TLR5: variants seen among roughly 807,000 people sequenced by gnomAD.
TLR5 encodes toll like receptor 5, also known as toll-like receptor 5.
For missense variants in TLR5, 944 were observed against 999.8 expected, an observed-to-expected ratio of 0.94 and a Z score of 0.75; for synonymous variants, 373 against 384.4, an observed-to-expected ratio of 0.97 and a Z score of 0.35.
chr1:223,116,579 G>C (rs972588791), intron 5 of TLR5, among the ~76,000 whole-genome samples: 2 of 152,140 alleles, frequency 1.3e-5, no homozygotes, highest in African/African-American at 4.8e-5. Flanking sequence ...ACCTTCCACG[G>C]TGTGAAAGAC....
At position 223,141,802 on chromosome 1, in the gene TLR5, TATATATATATATATATATATAG is replaced by T. The variant is rs1445709822; in HGVS notation, c.-554-61_-554-40del. On this transcript the variant is annotated intron_variant, in intron 1 of 5. Coordinates refer to ENST00000642603, the MANE Select transcript of TLR5 (RefSeq NM_003268.6). ...AAAATTACATATATATATATATATA[TATATATATATATATATATATAG>T]AGAGAGAGAGAGAGAGAGAGAGAGA... 3.2e-4 allele frequency: 22 copies of T among 68,220 alleles called. 1 individual carries two copies. Among genetic ancestry groups the T allele is most frequent in the Middle Eastern group, 0.014 (2 of 146 alleles). 4.2% of individuals were successfully genotyped at this position (68,220 alleles called of 1,614,324 possible).
chr1:223,141,301 C>G (rs773825247), intron 2 of TLR5: 1 of 152,146 alleles, frequency 6.6e-6, no homozygotes, highest in South Asian at 2.1e-4. Flanking sequence ...GAAACAACAC[C>G]GAAAACCTGG....
chr1:223,113,643 G>C (rs1442481839), intron 5 of TLR5, among the ~76,000 whole-genome samples: 1 of 151,924 alleles, frequency 6.6e-6, no homozygotes, highest in African/African-American at 2.4e-5. Flanking sequence ...TAAAAATATA[G>C]AGATGGGGGT....
At chr1:223,115,256 T>A (rs1448219151) in intron 5 of TLR5, among the ~76,000 whole-genome samples, 2 of 152,200 alleles carry the variant, frequency 1.3e-5, no homozygotes. Context: ...CTGTTTTATT[T>A]ATTATTTATT....
rs146126096 is a variant in TLR5 at position 223,110,119 on chromosome 1, C to A, written c.*336G>T. ...CTGAATGCTAGAGAAAGCACGTCAG[C>A]CATCTGCAACTTCTCCCAAGGTGCC... On this transcript the variant is annotated 3_prime_UTR_variant, in exon 6 of 6. Transcript: ENST00000642603. 47 of 330,374 alleles carry A rather than the reference C, an allele frequency of 1.4e-4. No homozygotes were observed. The highest frequency in any genetic ancestry group is 9.2e-4 in the African/African-American group (43 of 46,586). 20.5% of individuals were successfully genotyped at this position (330,374 alleles called of 1,614,324 possible). A position where few individuals can be genotyped will look rare whatever the true frequency, so the allele number is the denominator to read the frequency against.
At chr1:223,117,483 C>T (rs1382467266) in intron 5 of TLR5, among the ~76,000 whole-genome samples, 5 of 148,082 alleles carry the variant, frequency 3.4e-5, no homozygotes, top group African/African-American at 1.0e-4. Context: ...AGCACGCTGT[C>T]ACCTCTCAAT....
At chr1:223,137,950 A>ATTTT (rs3044335) in intron 2 of TLR5, among the ~76,000 whole-genome samples, 942 of 84,496 alleles carry the variant, frequency 0.011, 136 homozygotes, top group African/African-American at 0.031. Context: ...GGCTTTTTAA[A>ATTTT]TTTTTTTTTT....
chr1:223,135,128 T>A (rs1381230339), intron 3 of TLR5, among the ~76,000 whole-genome samples: 2 of 152,188 alleles, frequency 1.3e-5, no homozygotes, highest in African/African-American at 4.8e-5. Context: ...ACCCTGCAGC[T>A]GCTGGAGACA....
At position 223,124,900 on chromosome 1, in the gene TLR5, C is replaced by T. The variant is rs376264395; in HGVS notation, c.-5+7575G>A. 2.4e-4 allele frequency among the ~76,000 whole-genome samples: 37 copies of T among 152,192 alleles called. 1 individual carries two copies. Among genetic ancestry groups the T allele is most frequent in the Admixed American group, 1.5e-3 (23 of 15,284 alleles). ...ATTACAGGCCTGAGCCACCGCACTC[C>T]GCCAGTGAGTTATTGTGAATGGGGG... On this transcript the variant is annotated intron_variant, in intron 5 of 5. Transcript: ENST00000642603.
intron 2 of TLR5, among the ~76,000 whole-genome samples, chr1:223,138,794 C>T (rs1657723197): frequency 6.6e-6 from 1 of 152,158 alleles, no homozygotes; most frequent in Non-Finnish European, 1.5e-5. Flanking sequence ...AACCTTGTCC[C>T]TTACTCTTTG....
Position 223,110,370 on chromosome 1 carries a change from A to C in TLR5, c.*85T>G. On this transcript the variant is annotated 3_prime_UTR_variant, in exon 6 of 6. Coordinates refer to ENST00000642603, the MANE Select transcript of TLR5 (RefSeq NM_003268.6). ...GCAAAAAGAAAAAAAAAACCTCCAGAGAGGACCCCAAAATGATAACTTGGT... is the reference window on the plus strand; with the variant it reads ...GCAAAAAGAAAAAAAAAACCTCCAGCGAGGACCCCAAAATGATAACTTGGT... 1 of 1,469,998 alleles carries C rather than the reference A, an allele frequency of 6.8e-7. No homozygotes were observed. The highest frequency in any genetic ancestry group is 9.4e-7 in the Non-Finnish European group (1 of 1,061,058). The allele number at this position is 1,469,998 out of a possible 1,614,324, so 91.1% of individuals were successfully genotyped here. A position where few individuals can be genotyped will look rare whatever the true frequency, so the allele number is the denominator to read the frequency against.
At chr1:223,117,058 G>A (rs1377204091) in intron 5 of TLR5, among the ~76,000 whole-genome samples, 6 of 152,190 alleles carry the variant, frequency 3.9e-5, no homozygotes, top group African/African-American at 1.4e-4. Context: ...GCCCACCACA[G>A]GGGGACTCGG....
chr1:223,132,352 C>T (rs1657427123), intron 5 of TLR5, 123 bp downstream of exon 5: 2 of 151,930 alleles, frequency 1.3e-5, no homozygotes, highest in Middle Eastern at 3.4e-3. Flanking sequence ...ACAGAGAGAC[C>T]TTATATGTAT....
At position 223,112,505 on chromosome 1, in the gene TLR5, T is replaced by C. The variant is rs1186064391; in HGVS notation, c.527A>G (p.Asp176Gly). Residue 176 changes from aspartate to glycine, a missense_variant, in exon 6 of 6, where the codon GAT becomes GGT. By Grantham distance (94) the Asp-to-Gly change is moderately conservative (BLOSUM62 -1). Coordinates refer to ENST00000642603, the MANE Select transcript of TLR5 (RefSeq NM_003268.6). ...FGKLNSLKSI[D>G]FSSNQIFLVC... ...AAGGAATATTTGGTTGGAGGAAAAATCTATGGACTTTAAGGAATTCAACTT... is the reference window on the plus strand; with the variant it reads ...AAGGAATATTTGGTTGGAGGAAAAACCTATGGACTTTAAGGAATTCAACTT... 1 of 1,614,198 alleles carries C rather than the reference T, an allele frequency of 6.2e-7. No individual in the cohort carries two copies. The highest frequency in any genetic ancestry group is 8.5e-7 in the Non-Finnish European group (1 of 1,180,046).
intron 1 of TLR5, 114 bp from the exon 2 acceptor site, chr1:223,141,877 T>C (rs1448603499): frequency 6.9e-6 from 1 of 144,860 alleles, no homozygotes. Flanking sequence ...AGAGAGATTA[T>C]TTTTGTACTG....
Position 223,110,710 on chromosome 1 carries a change from A to G in TLR5, c.2322T>C (p.Tyr774=). Residue 774 remains tyrosine (Y), a synonymous_variant, in exon 6 of 6, where the codon TAT becomes TAC. Coordinates refer to ENST00000642603, the MANE Select transcript of TLR5 (RefSeq NM_003268.6). ...RDGWCLEAFS[Y]AQGRCLSDLN... ...GGTCAGATAAGCACCTGCCCTGGGC[A>G]TAACTGAAGGCTTCAAGGCACCAGC... The G allele has an allele frequency of 1.2e-6, 2 of 1,614,240 alleles. No individual in the cohort carries two copies. Among genetic ancestry groups the G allele is most frequent in the South Asian group, 2.2e-5 (2 of 91,086 alleles).
Position 223,110,137 on chromosome 1 carries a change from A to C in TLR5, c.*318T>G, listed in dbSNP as rs941501281. The C allele has an allele frequency of 8.5e-6, 3 of 353,906 alleles. No homozygotes were observed. The highest frequency in any genetic ancestry group is 6.3e-5 in the African/African-American group (3 of 47,378). The allele number at this position is 353,906 out of a possible 1,614,324, so 21.9% of individuals were successfully genotyped here. A position where few individuals can be genotyped will look rare whatever the true frequency, so the allele number is the denominator to read the frequency against. ...ACGTCAGCCATCTGCAACTTCTCCCAAGGTGCCCTTCCCATGATTAGGATA... is the reference window on the plus strand; with the variant it reads ...ACGTCAGCCATCTGCAACTTCTCCCCAGGTGCCCTTCCCATGATTAGGATA... On this transcript the variant is annotated 3_prime_UTR_variant, in exon 6 of 6. Transcript: ENST00000642603.
intron 5 of TLR5, among the ~76,000 whole-genome samples, chr1:223,125,645 T>TG (rs1186668452): frequency 5.1e-5 from 5 of 98,518 alleles, no homozygotes; most frequent in Admixed American, 1.1e-4. Flanking sequence ...GTGGTGTTGG[T>TG]GGGGGGGTGG....
intron 5 of TLR5, among the ~76,000 whole-genome samples, chr1:223,120,012 T>TAAAA: frequency 6.9e-6 from 1 of 145,828 alleles, no homozygotes; most frequent in African/African-American, 2.6e-5. Context: ...TAAAATAAAA[T>TAAAA]AAAATAAAAA....
Sources: allele counts gnomAD v4.1 joint callset (sites outside exome capture counted in the v4.1 genomes callset), GRCh38; gene constraint gnomAD v4.1.1; transcripts MANE v1.5; gene names NCBI Gene and HGNC (gene_info 2026-07-23, HGNC 2026-07-21).